Variants in NTRK2 observed in about 807,000 individuals in gnomAD.
The protein encoded by NTRK2 is neurotrophic receptor tyrosine kinase 2.
A neutral mutation model predicts 94.5 loss-of-function variants in NTRK2; 13 were observed. The ratio of observed to expected loss-of-function variants is 0.14; its 90% CI spans 0.09 to 0.22. NTRK2 has a LOEUF of 0.22. Among genes scored for constraint, NTRK2 ranks in the 10% least tolerant of loss-of-function variants. NTRK2 has a pLI of 1.00. For synonymous variants in NTRK2, 372 were observed against 407.4 expected (o/e 0.91, Z 1.05); for missense variants, 639 against 1,071.2 (o/e 0.60, Z 5.63).
At chr9:84,910,027 T>A (rs552560297) in intron 14 of NTRK2, among the ~76,000 whole-genome samples, 2 of 152,300 alleles carry the variant, frequency 1.3e-5, no homozygotes, top group African/African-American at 4.8e-5. Context: ...CTGAAGGTTA[T>A]CTCTATATTT....
chr9:84,766,467 A>G (rs975840043), intron 12 of NTRK2, among the ~76,000 whole-genome samples: 1 of 152,122 alleles, frequency 6.6e-6, no homozygotes, highest in African/African-American at 2.4e-5. Context: ...GTGAAAGTGT[A>G]TGGAGAGAGA....
intron 12 of NTRK2, among the ~76,000 whole-genome samples, chr9:84,807,669 T>C (rs2071280661): frequency 6.6e-6 from 1 of 152,190 alleles, no homozygotes; most frequent in African/African-American, 2.4e-5. Flanking sequence ...TTTGTTGTGG[T>C]CTAAAAACTT....
At chr9:84,858,201 T>C (rs927765239) in intron 12 of NTRK2, among the ~76,000 whole-genome samples, 1 of 152,146 alleles carries the variant, frequency 6.6e-6, no homozygotes, top group South Asian at 2.1e-4. Flanking sequence ...CATGCCTTGA[T>C]TTCTCTAAAA....
At chr9:84,920,834 A>T (rs1303967846) in intron 14 of NTRK2, among the ~76,000 whole-genome samples, 1 of 152,218 alleles carries the variant, frequency 6.6e-6, no homozygotes, top group African/African-American at 2.4e-5. Flanking sequence ...TCTTTCAGCC[A>T]TCCCCACAGG....
chr9:84,720,017 CAAAAAAAAA>C (rs57132074), intron 6 of NTRK2, among the ~76,000 whole-genome samples: 1 of 87,754 alleles, frequency 1.1e-5, no homozygotes, highest in South Asian at 4.2e-4. Flanking sequence ...AAGACTATCT[CAAAAAAAAA>C]AAAAAAAAAA....
intron 17 of NTRK2, among the ~76,000 whole-genome samples, chr9:84,976,427 G>A (rs1419386470): frequency 6.6e-6 from 1 of 152,188 alleles, no homozygotes; most frequent in Non-Finnish European, 1.5e-5. Context: ...CATGAGGAGT[G>A]AGGGCTTCAA....
At chr9:84,753,631 A>G (rs759521758) in intron 12 of NTRK2, among the ~76,000 whole-genome samples, 1 of 152,058 alleles carries the variant, frequency 6.6e-6, no homozygotes, top group Non-Finnish European at 1.5e-5. Context: ...CCATATCTCA[A>G]CTGCACCCAG....
chr9:85,024,497 G>A lies in NTRK2; in HGVS notation c.*3060G>A, dbSNP rs1021297814. ...ATTCCTATTTTGTGTAGATGAGGAC[G>A]TTGAGACTCAGAGACATTCAGAGGC... On this transcript the variant is annotated 3_prime_UTR_variant, in exon 19 of 19. Transcript: ENST00000277120. 5 of 232,636 alleles carry A rather than the reference G, an allele frequency of 2.1e-5. No individual in the cohort carries two copies. Among genetic ancestry groups the A allele is most frequent in the South Asian group, 1.8e-4 (1 of 5,498 alleles). The allele number at this position is 232,636 out of a possible 1,614,324, so 14.4% of individuals were successfully genotyped here.
chr9:84,957,917 G>A (rs1444464261), intron 17 of NTRK2, among the ~76,000 whole-genome samples: 1 of 152,148 alleles, frequency 6.6e-6, no homozygotes, highest in Non-Finnish European at 1.5e-5. Flanking sequence ...CAGTACAAAA[G>A]AATAAAGTAC....
intron 4 of NTRK2, among the ~76,000 whole-genome samples, chr9:84,705,507 C>T (rs1396844737): frequency 6.6e-6 from 1 of 152,160 alleles, no homozygotes; most frequent in Non-Finnish European, 1.5e-5. Context: ...CCGGTAACCC[C>T]GCTCTTTGCG....
rs1313692857 is a variant in NTRK2 at position 84,745,089 on chromosome 9, A to G, written c.1296+16A>G. The G allele has an allele frequency of 1.9e-6, 3 of 1,585,582 alleles. No individual in the cohort carries two copies. Among genetic ancestry groups the G allele is most frequent in the Non-Finnish European group, 2.6e-6 (3 of 1,153,984 alleles). ...ACATCTCTCGGTGAGTGGAATAAAT[A>G]GGTGTCTGAATTGGTTCTGAGCATT... On this transcript the variant is annotated intron_variant, in intron 11 of 18. Transcript: ENST00000277120.
At chr9:84,974,588 A>G (rs1339945446) in intron 17 of NTRK2, among the ~76,000 whole-genome samples, 1 of 152,220 alleles carries the variant, frequency 6.6e-6, no homozygotes, top group African/African-American at 2.4e-5. Flanking sequence ...CATCTCACTT[A>G]TAAGAGAAAC....
intron 12 of NTRK2, among the ~76,000 whole-genome samples, chr9:84,841,781 C>G (rs145957233): frequency 6.6e-6 from 1 of 152,156 alleles, no homozygotes; most frequent in Non-Finnish European, 1.5e-5. Flanking sequence ...CTGTCTGCCC[C>G]CACAAAATAT....
At chr9:84,818,364 G>T (rs1220522042) in intron 12 of NTRK2, among the ~76,000 whole-genome samples, 1 of 152,206 alleles carries the variant, frequency 6.6e-6, no homozygotes, top group African/African-American at 2.4e-5. Flanking sequence ...CAAGTGCCCA[G>T]TGGCCACTCC....
chr9:84,824,673 A>G (rs1227688866), intron 12 of NTRK2, among the ~76,000 whole-genome samples: 1 of 152,182 alleles, frequency 6.6e-6, no homozygotes, highest in Non-Finnish European at 1.5e-5. Context: ...TGAGATGCAG[A>G]CAGTGTTTCT....
At chr9:84,690,663 G>A (rs2059995006) in intron 2 of NTRK2, among the ~76,000 whole-genome samples, 1 of 151,666 alleles carries the variant, frequency 6.6e-6, no homozygotes, top group East Asian at 1.9e-4. Flanking sequence ...AGCTTGCAGT[G>A]AGCCAAGATC....
chr9:84,803,905 G>A (rs544936716), intron 12 of NTRK2, among the ~76,000 whole-genome samples: 1 of 152,214 alleles, frequency 6.6e-6, no homozygotes, highest in Non-Finnish European at 1.5e-5. Context: ...TTCAAGTGAG[G>A]GTAATTTGTT....
intron 6 of NTRK2, among the ~76,000 whole-genome samples, chr9:84,722,160 C>CTTTTTT (rs36100177): frequency 1.5e-4 from 10 of 67,076 alleles, no homozygotes; most frequent in African/African-American, 3.6e-4. Context: ...CTATTAGGGG[C>CTTTTTT]TTTTTTTTTT....
At chr9:84,871,956 C>T in intron 14 of NTRK2, 4 of 1,588,768 alleles carry the variant, frequency 2.5e-6, no homozygotes, top group Non-Finnish European at 3.4e-6. Context: ...CCTTAGCTTC[C>T]ATAACCTAGC....
Sources: allele counts gnomAD v4.1 joint callset (sites outside exome capture counted in the v4.1 genomes callset), GRCh38; gene constraint gnomAD v4.1.1; transcripts MANE v1.5; gene names NCBI Gene and HGNC (gene_info 2026-07-23, HGNC 2026-07-21).